LRP1B: variants seen among roughly 807,000 people sequenced by gnomAD.
LRP1B encodes the protein low-density lipoprotein receptor-related protein 1B.
LRP1B carries 217 observed loss-of-function variants against 556.6 expected under a neutral mutation model. The observed-to-expected ratio is 0.39, with a 90% CI of 0.35 to 0.44. The LOEUF (loss-of-function observed/expected upper bound fraction) is 0.44. Ranked by LOEUF, LRP1B falls within the 20% of genes least tolerant of loss-of-function variation. The pLI is 1.00. For synonymous variants in LRP1B, 2,047 were observed against 1,865.8 expected (o/e 1.10, Z -2.50); for missense variants, 5,053 against 5,620.8 (o/e 0.90, Z 3.23).
rs116827777 is a variant in LRP1B at position 141,065,388 on chromosome 2, T to G, written c.1014-3115A>C. On this transcript the variant is annotated intron_variant, in intron 7 of 90. Coordinates refer to ENST00000389484, the MANE Select transcript of LRP1B (RefSeq NM_018557.3). ...ATGTATAGTCATTCAAAATTTGCCTTTTGACAGATAATGTTCTTTATAGAA... is the reference window on the plus strand; with the variant it reads ...ATGTATAGTCATTCAAAATTTGCCTGTTGACAGATAATGTTCTTTATAGAA... Among the ~76,000 whole-genome samples the G allele has an allele frequency of 5.3e-3, 803 of 152,096 alleles. 8 individuals are homozygous for G. Among genetic ancestry groups the G allele is most frequent in the African/African-American group, 0.018 (759 of 41,546 alleles).
chr2:140,396,516 T>C (rs1003611558), intron 66 of LRP1B, among the ~76,000 whole-genome samples: 1 of 152,168 alleles, frequency 6.6e-6, no homozygotes, highest in Non-Finnish European at 1.5e-5. Context: ...ATCCTAGTTC[T>C]GGCTCCAATT....
At chr2:141,256,384 T>C (rs760855218) in intron 3 of LRP1B, among the ~76,000 whole-genome samples, 1 of 150,564 alleles carries the variant, frequency 6.6e-6, no homozygotes, top group South Asian at 2.1e-4. Context: ...AAAAAAAAAA[T>C]GAGAGCGAGA....
intron 27 of LRP1B, among the ~76,000 whole-genome samples, chr2:140,855,701 A>G (rs1692597036): frequency 6.6e-6 from 1 of 151,864 alleles, no homozygotes; most frequent in Non-Finnish European, 1.5e-5. Flanking sequence ...GGTGGCTCAC[A>G]TCTGTAATCC....
At chr2:140,570,033 G>C (rs1191783930) in intron 43 of LRP1B, among the ~76,000 whole-genome samples, 3 of 151,588 alleles carry the variant, frequency 2.0e-5, no homozygotes, top group Non-Finnish European at 4.4e-5. Flanking sequence ...TACAGCAAAG[G>C]CATTGTTAAT....
intron 2 of LRP1B, among the ~76,000 whole-genome samples, chr2:141,747,029 C>G (rs1236325327): frequency 6.6e-6 from 1 of 152,152 alleles, no homozygotes; most frequent in Non-Finnish European, 1.5e-5. Flanking sequence ...AAAAGTCTAT[C>G]CCAAGGAAGG....
At chr2:140,381,895 A>C (rs1266723955) in intron 67 of LRP1B, among the ~76,000 whole-genome samples, 1 of 151,572 alleles carries the variant, frequency 6.6e-6, no homozygotes, top group Admixed American at 6.6e-5. Context: ...AAGAGGAGAA[A>C]AGAACAAAAT....
At chr2:141,055,468 G>A (rs1193826214) in intron 9 of LRP1B, among the ~76,000 whole-genome samples, 2 of 151,238 alleles carry the variant, frequency 1.3e-5, no homozygotes, top group Non-Finnish European at 2.9e-5. Flanking sequence ...TCCTAAGTGA[G>A]CATTTAAAAA....
chr2:142,008,042 T>C (rs1702851002), intron 1 of LRP1B, among the ~76,000 whole-genome samples: 1 of 152,166 alleles, frequency 6.6e-6, no homozygotes, highest in South Asian at 2.1e-4. Context: ...AGCCAAACCA[T>C]GGTGCTCTCC....
chr2:141,226,754 A>C (rs780447469), intron 6 of LRP1B, among the ~76,000 whole-genome samples: 2 of 152,322 alleles, frequency 1.3e-5, no homozygotes, highest in Non-Finnish European at 2.9e-5. Context: ...CATAGTGAAC[A>C]CAGAGCCCAT....
At chr2:140,724,351 C>A (rs950125892) in intron 35 of LRP1B, among the ~76,000 whole-genome samples, 1 of 151,938 alleles carries the variant, frequency 6.6e-6, no homozygotes, top group African/African-American at 2.4e-5. Flanking sequence ...TTTAAAAGAA[C>A]CTCAAATTAG....
chr2:140,567,008 G>A (rs191631930), intron 43 of LRP1B, among the ~76,000 whole-genome samples: 4 of 152,112 alleles, frequency 2.6e-5, no homozygotes, highest in Non-Finnish European at 5.9e-5. Context: ...GGAATTGGTA[G>A]CTTGGCTGAA....
intron 3 of LRP1B, among the ~76,000 whole-genome samples, chr2:141,298,954 TAA>T (rs10714514): frequency 0.016 from 1,938 of 123,822 alleles, 19 homozygotes; most frequent in African/African-American, 0.039. Context: ...AACTCCATCT[TAA>T]AAAAAAAAAA....
At chr2:141,905,475 T>C (rs1190529865) in intron 1 of LRP1B, among the ~76,000 whole-genome samples, 2 of 151,780 alleles carry the variant, frequency 1.3e-5, no homozygotes, top group African/African-American at 2.4e-5. Flanking sequence ...TTTCAAGTTA[T>C]AACTAGTCAG....
At chr2:140,600,650 T>G (rs1682617980) in intron 42 of LRP1B, among the ~76,000 whole-genome samples, 1 of 151,918 alleles carries the variant, frequency 6.6e-6, no homozygotes, top group African/African-American at 2.4e-5. Context: ...ACTCATTTCA[T>G]TTAAAAATAA....
intron 3 of LRP1B, among the ~76,000 whole-genome samples, chr2:141,387,731 A>C (rs1689882556): frequency 6.6e-6 from 1 of 152,180 alleles, no homozygotes; most frequent in Non-Finnish European, 1.5e-5. Context: ...ATTCTACCAA[A>C]TATTTAAACA....
At chr2:141,625,816 G>A (rs889664158) in intron 2 of LRP1B, among the ~76,000 whole-genome samples, 5 of 151,912 alleles carry the variant, frequency 3.3e-5, no homozygotes, top group African/African-American at 1.2e-4. Flanking sequence ...GAAGAGTTTT[G>A]GGTTTTGACT....
chr2:141,593,169 T>G (rs951388063), intron 2 of LRP1B, among the ~76,000 whole-genome samples: 7 of 152,294 alleles, frequency 4.6e-5, no homozygotes, highest in African/African-American at 1.7e-4. Flanking sequence ...GAAGAATATT[T>G]ACATTCCAGG....
In LRP1B at chr2:140,506,011, T is replaced by C. The variant is rs76738390; in HGVS notation, c.8521+785A>G. Among the ~76,000 whole-genome samples, 386 of 152,232 alleles carry C rather than the reference T, an allele frequency of 2.5e-3. 3 individuals are homozygous for C. The highest frequency in any genetic ancestry group is 8.9e-3 in the African/African-American group (370 of 41,560). Reference sequence around the variant, plus strand: ...TAGAAAAATATATGTAAAGGCAATATACATTTCATGATAATAATATTAAAT... The same window carrying C: ...TAGAAAAATATATGTAAAGGCAATACACATTTCATGATAATAATATTAAAT... On this transcript the variant is annotated intron_variant, in intron 53 of 90. Transcript: ENST00000389484.
At chr2:141,046,828 T>A (rs11696042) in intron 11 of LRP1B, among the ~76,000 whole-genome samples, 74,148 of 151,954 alleles carry the variant, frequency 0.49, 20,535 homozygotes, top group Non-Finnish European at 0.62. Flanking sequence ...ATGCCTGTAA[T>A]CCCAGCTCTT....
Sources: gnomAD v4.1 joint callset for allele counts (sites outside exome capture counted in the v4.1 genomes callset) on GRCh38, gnomAD v4.1.1 for gene constraint, MANE v1.5 for transcripts, NCBI Gene and HGNC (gene_info 2026-07-23, HGNC 2026-07-21) for gene names.